The following EDNRB variants were observed in gnomAD, a reference collection of about 807,000 sequenced individuals.
The protein encoded by EDNRB is endothelin receptor type B.
Under a neutral mutation model 46.4 loss-of-function variants are expected in EDNRB, and 18 were observed. That is an observed-to-expected ratio of 0.39 (90% CI 0.27 to 0.57). The LOEUF is 0.57. EDNRB is among the 20% of genes least tolerant of loss of function. EDNRB has a pLI of 0.61. For missense variants in EDNRB, 434 were observed against 537.5 expected (o/e 0.81, Z 1.90); for synonymous variants, 213 against 204.9 (o/e 1.04, Z -0.34).
At chr13:77,950,230 C>T (rs1007007107) in intron 1 of EDNRB, among the ~76,000 whole-genome samples, 8 of 152,176 alleles carry the variant, frequency 5.3e-5, no homozygotes, top group Non-Finnish European at 1.0e-4. Context: ...ACAGCCAAAT[C>T]AGACATAGAA....
At chr13:77,932,414 T>A (rs530081676) in intron 1 of EDNRB, among the ~76,000 whole-genome samples, 2 of 152,362 alleles carry the variant, frequency 1.3e-5, no homozygotes, top group Non-Finnish European at 2.9e-5. Context: ...GTGGCTTCCA[T>A]CTATTGAGAT....
intron 1 of EDNRB, among the ~76,000 whole-genome samples, chr13:77,948,552 A>T (rs1176627608): frequency 6.6e-6 from 1 of 152,198 alleles, no homozygotes; most frequent in Non-Finnish European, 1.5e-5. Context: ...GATGATGGAC[A>T]TTGAGGAGAC....
At chr13:77,940,906 A>G (rs1880726748) in intron 1 of EDNRB, among the ~76,000 whole-genome samples, 1 of 152,218 alleles carries the variant, frequency 6.6e-6, no homozygotes. Flanking sequence ...GTTGAAAGGG[A>G]TGGGAACAGG....
chr13:77,938,652 G>A (rs1210392497), intron 1 of EDNRB, among the ~76,000 whole-genome samples: 1 of 152,186 alleles, frequency 6.6e-6, no homozygotes, highest in African/African-American at 2.4e-5. Context: ...CCAAGTCCAT[G>A]ACCAGCGCTG....
At chr13:77,918,842 G>A, upstream of EDNRB, 1 of 1,299,620 alleles carries the variant, frequency 7.7e-7, no homozygotes, top group Non-Finnish European at 9.7e-7. This position sits in a 1 kb window ranked among gnomAD's most constrained non-coding sequence, Gnocchi z 4.5. Context: ...CCCCCGCGTG[G>A]CCAGGAGGGG....
chr13:77,934,476 G>A (rs1299237946), intron 1 of EDNRB, among the ~76,000 whole-genome samples: 2 of 152,092 alleles, frequency 1.3e-5, no homozygotes, highest in Non-Finnish European at 1.5e-5. Context: ...GAGGTGGGAA[G>A]GCCAAACTGA....
chr13:77,910,465 G>C (rs1008938610), intron 1 of EDNRB, among the ~76,000 whole-genome samples: 1 of 151,948 alleles, frequency 6.6e-6, no homozygotes, highest in Non-Finnish European at 1.5e-5. Context: ...TTCCATGCCA[G>C]AACTCTTTCT....
intron 1 of EDNRB, among the ~76,000 whole-genome samples, chr13:77,944,380 C>T (rs941063596): frequency 5.3e-5 from 8 of 152,074 alleles, no homozygotes; most frequent in African/African-American, 1.9e-4. Flanking sequence ...CCTATAAACT[C>T]TGAGTTTATA....
intron 1 of EDNRB, among the ~76,000 whole-genome samples, chr13:77,905,617 C>A (rs1430084424): frequency 6.6e-6 from 1 of 151,916 alleles, no homozygotes; most frequent in Non-Finnish European, 1.5e-5. Context: ...TAAACAGAGG[C>A]TGTGATCATA....
In EDNRB at chr13:77,903,489, T is replaced by G; in HGVS notation, c.596+6A>C. On this transcript the variant is annotated splice_donor_region_variant and intron_variant, in intron 2 of 6. Transcript: ENST00000646607. ...GAATATACTTGGATTAAATAGAAGC[T>G]TCTACCTGTCAATACTCAGAGCACA... is the stretch of plus-strand genomic sequence containing the variant. The G allele has an allele frequency of 6.2e-7, 1 of 1,612,438 alleles. No individual in the cohort carries two copies. The highest frequency in any genetic ancestry group is 8.5e-7 in the Non-Finnish European group (1 of 1,178,880).
intron 1 of EDNRB, among the ~76,000 whole-genome samples, chr13:77,948,661 A>C (rs531596311): frequency 6.6e-6 from 1 of 152,296 alleles, no homozygotes; most frequent in Non-Finnish European, 1.5e-5. Flanking sequence ...GGTTTAGAAT[A>C]GCTATTGTAC....
At chr13:77,909,544 C>A (rs1163047215) in intron 1 of EDNRB, among the ~76,000 whole-genome samples, 1 of 152,040 alleles carries the variant, frequency 6.6e-6, no homozygotes, top group African/African-American at 2.4e-5. Context: ...CTTGTACAAG[C>A]AAATGTTCAC....
At chr13:77,961,496 A>G (rs1181494159) in intron 1 of EDNRB, among the ~76,000 whole-genome samples, 1 of 152,216 alleles carries the variant, frequency 6.6e-6, no homozygotes. Flanking sequence ...CCACTCAACT[A>G]CATGGAAACT....
At chr13:77,922,437 C>T (rs1032380167), upstream of EDNRB, among the ~76,000 whole-genome samples, 9 of 152,126 alleles carry the variant, frequency 5.9e-5, no homozygotes, top group South Asian at 1.0e-3. Context: ...AAAGTTAGTA[C>T]TTTCATGTAA....
Position 77,900,564 on chromosome 13 carries a change from T to C in EDNRB, c.1042A>G (p.Thr348Ala). 6.2e-7 allele frequency: 1 copy of C among 1,612,534 alleles called. No homozygotes were observed. The highest frequency in any genetic ancestry group is 8.5e-7 in the Non-Finnish European group (1 of 1,179,088). ...TTGGGATCATTCTGATTATAAAGAG[T>C]GAGCTTCAGAATCCTGCTGAGGTGA... ...PLHLSRILKLTLYNQNDPNRC... is the reference protein window; with the variant it reads ...PLHLSRILKLALYNQNDPNRC... Residue 348 changes from threonine to alanine, a missense_variant, in exon 5 of 7, where the codon ACT becomes GCT. Transcript: ENST00000646607.
chr13:77,927,863 G>A (rs1880280767), intron 1 of EDNRB, among the ~76,000 whole-genome samples: 1 of 152,196 alleles, frequency 6.6e-6, no homozygotes, highest in African/African-American at 2.4e-5. Flanking sequence ...GAGGGACCTG[G>A]TGTGAGGTAA....
intron 1 of EDNRB, among the ~76,000 whole-genome samples, chr13:77,943,850 A>G (rs1373289575): frequency 1.3e-5 from 2 of 152,060 alleles, no homozygotes. Flanking sequence ...AGATTTTTCT[A>G]GAAAATTTTA....
intron 1 of EDNRB, among the ~76,000 whole-genome samples, chr13:77,946,326 AG>A (rs1444612725): frequency 6.6e-6 from 1 of 152,128 alleles, no homozygotes; most frequent in Non-Finnish European, 1.5e-5. Flanking sequence ...AGGGGGGAAA[AG>A]GGTACAGAGG....
chr13:77,929,831 A>G (rs7332215), intron 1 of EDNRB, among the ~76,000 whole-genome samples: 84,604 of 152,062 alleles, frequency 0.56, 24,309 homozygotes, highest in Middle Eastern at 0.67. Flanking sequence ...TAAAAGAAAG[A>G]GTAAGAATAG....
Sources: gnomAD v4.1 joint callset for allele counts (sites outside exome capture counted in the v4.1 genomes callset) on GRCh38, gnomAD v4.1.1 for gene constraint, Gnocchi (gnomAD v3.1) non-coding constraint, MANE v1.5 for transcripts, NCBI Gene and HGNC (gene_info 2026-07-23, HGNC 2026-07-21) for gene names.